ATP2B2: variants seen among roughly 807,000 people sequenced by gnomAD.
The protein encoded by ATP2B2 is ATPase plasma membrane Ca2+ transporting 2.
Under a neutral mutation model 120.0 loss-of-function variants are expected in ATP2B2, and 15 were observed. The observed-to-expected ratio is 0.12, with a 90% confidence interval of 0.08 to 0.19. The LOEUF (loss-of-function observed/expected upper bound fraction) is 0.19. Among genes scored for constraint, ATP2B2 ranks in the 10% least tolerant of loss-of-function variants. The probability of loss-of-function intolerance (pLI) is 1.00; values close to 1 mark genes in which losing one functional copy is unlikely to be tolerated. For missense variants in ATP2B2, 1,045 were observed against 1,719.8 expected, an observed-to-expected ratio of 0.61 and a Z score of 6.94; for synonymous variants, 694 against 700.3, an observed-to-expected ratio of 0.99 and a Z score of 0.14.
intron 2 of ATP2B2, among the ~76,000 whole-genome samples, chr3:10,415,413 A>G (rs1220696557): frequency 6.6e-6 from 1 of 152,186 alleles, no homozygotes; most frequent in Admixed American, 6.5e-5. Context: ...GGAGAGGCAC[A>G]GTGGAAGGGC....
chr3:10,652,433 T>C (rs1004285016), intron 1 of ATP2B2, among the ~76,000 whole-genome samples: 16 of 152,232 alleles, frequency 1.1e-4, no homozygotes, highest in East Asian at 7.7e-4. Flanking sequence ...ACTTTAGCTA[T>C]GGCTTAGTCA....
Position 10,375,849 on chromosome 3 carries a change from G to A in ATP2B2, c.1202-205C>T, listed in dbSNP as rs2061366388. Among the ~76,000 whole-genome samples the A allele has an allele frequency of 1.3e-5, 2 of 152,144 alleles. No homozygotes were observed. The highest frequency in any genetic ancestry group is 2.9e-5 in the Non-Finnish European group (2 of 68,030). On this transcript the variant is annotated intron_variant, in intron 10 of 22. Transcript: ENST00000360273. This position sits in a 1 kb window ranked among gnomAD's most constrained non-coding sequence, Gnocchi z 4.2. The stretch of plus-strand genomic sequence containing the variant: ...TCAGTCTCCTGCTCTGTACAATGGG[G>A]ATGCATACTTCCTCCCCAAGATTTT...
At chr3:10,639,468 G>T (rs1324794010) in intron 1 of ATP2B2, among the ~76,000 whole-genome samples, 1 of 152,194 alleles carries the variant, frequency 6.6e-6, no homozygotes, top group Admixed American at 6.5e-5. Flanking sequence ...AATGGTGGGA[G>T]AGACTGGCTG....
At chr3:10,386,268 G>C (rs1331543224) in intron 7 of ATP2B2, among the ~76,000 whole-genome samples, 2 of 152,126 alleles carry the variant, frequency 1.3e-5, no homozygotes, top group Non-Finnish European at 2.9e-5. Context: ...GTAGGGTGAG[G>C]CACTGTAAGG....
At chr3:10,578,140 G>A (rs950861409) in intron 2 of ATP2B2, among the ~76,000 whole-genome samples, 6 of 152,104 alleles carry the variant, frequency 3.9e-5, no homozygotes, top group South Asian at 2.1e-4. Context: ...CCATAGTGGC[G>A]AAACCTATAA....
chr3:10,640,589 G>C (rs887316769), intron 1 of ATP2B2, among the ~76,000 whole-genome samples: 44 of 152,308 alleles, frequency 2.9e-4, no homozygotes, highest in African/African-American at 9.9e-4. Flanking sequence ...CCAGAAGGCA[G>C]GAGAAGGCAG....
intron 6 of ATP2B2, among the ~76,000 whole-genome samples, chr3:10,387,683 T>C (rs886072362): frequency 6.6e-6 from 1 of 152,174 alleles, no homozygotes; most frequent in Admixed American, 6.5e-5. Flanking sequence ...GCTCGCTGCA[T>C]TGAGGAGAGC....
intron 1 of ATP2B2, among the ~76,000 whole-genome samples, chr3:10,684,633 G>T (rs979083521): frequency 2.0e-5 from 3 of 152,172 alleles, no homozygotes; most frequent in African/African-American, 4.8e-5. Context: ...ATTTATCATC[G>T]TTAGAGTATC....
At chr3:10,451,412 G>A (rs2064044542) in intron 1 of ATP2B2, among the ~76,000 whole-genome samples, 1 of 152,166 alleles carries the variant, frequency 6.6e-6, no homozygotes, top group Non-Finnish European at 1.5e-5. Flanking sequence ...CTGCAAATTG[G>A]GGGCAAAACA....
intron 1 of ATP2B2, among the ~76,000 whole-genome samples, chr3:10,696,078 C>T (rs1474418265): frequency 1.3e-5 from 2 of 152,124 alleles, no homozygotes; most frequent in Non-Finnish European, 2.9e-5. Flanking sequence ...GGGTGAGAAA[C>T]CCAAAGTGGT....
At chr3:10,434,190 C>A (rs2063408447) in intron 2 of ATP2B2, among the ~76,000 whole-genome samples, 1 of 152,238 alleles carries the variant, frequency 6.6e-6, no homozygotes, top group African/African-American at 2.4e-5. Flanking sequence ...ACATGATCAT[C>A]ATTTATTTTC....
rs749876516 is a variant in ATP2B2, at chr3:10,497,034, G to A, written c.-320+8431C>T. 5.4e-4 allele frequency among the ~76,000 whole-genome samples: 82 copies of A among 152,248 alleles called. 1 individual carries two copies. Among genetic ancestry groups the A allele is most frequent in the Admixed American group, 3.5e-3 (53 of 15,288 alleles). ...GAGAGTGCTGGCTGGTGGGCTTGCAGGATGGTTGGCAGGCTCTGCTGACCT... is the reference window on the plus strand; with the variant it reads ...GAGAGTGCTGGCTGGTGGGCTTGCAAGATGGTTGGCAGGCTCTGCTGACCT... On this transcript the variant is annotated intron_variant, in intron 1 of 22. Coordinates refer to ENST00000360273, the MANE Select transcript of ATP2B2 (RefSeq NM_001001331.4).
intron 1 of ATP2B2, among the ~76,000 whole-genome samples, chr3:10,504,563 C>CA (rs942606386): frequency 2.8e-5 from 2 of 70,910 alleles, no homozygotes; most frequent in Non-Finnish European, 7.4e-5. Context: ...GTCCAGAGCA[C>CA]CCCCCCAACC....
intron 1 of ATP2B2, among the ~76,000 whole-genome samples, chr3:10,472,430 G>A (rs1376581955): frequency 1.3e-5 from 2 of 152,228 alleles, no homozygotes; most frequent in Non-Finnish European, 2.9e-5. Flanking sequence ...ACGCTGCGGG[G>A]CAGGGCAAGG....
At chr3:10,689,571 G>T (rs901382757) in intron 1 of ATP2B2, among the ~76,000 whole-genome samples, 1 of 151,954 alleles carries the variant, frequency 6.6e-6, no homozygotes, top group Non-Finnish European at 1.5e-5. Flanking sequence ...CATTATAGAA[G>T]AAAGGCCATT....
At chr3:10,683,515 G>A (rs1256242750) in intron 1 of ATP2B2, among the ~76,000 whole-genome samples, 1 of 151,646 alleles carries the variant, frequency 6.6e-6, no homozygotes, top group Non-Finnish European at 1.5e-5. Context: ...AAGATCCTCT[G>A]CCAGACAAAG....
chr3:10,471,598 G>C (rs1237112228), intron 1 of ATP2B2, among the ~76,000 whole-genome samples: 2 of 151,932 alleles, frequency 1.3e-5, no homozygotes, highest in East Asian at 2.0e-4. Flanking sequence ...GGCGGAAGAG[G>C]GAGAGGGGAG....
intron 2 of ATP2B2, among the ~76,000 whole-genome samples, chr3:10,561,530 C>T (rs978204691): frequency 1.2e-4 from 18 of 152,128 alleles, no homozygotes; most frequent in African/African-American, 4.3e-4. Context: ...AAGTGATTTG[C>T]CCAAGGTCAC....
intron 5 of ATP2B2, among the ~76,000 whole-genome samples, chr3:10,396,622 T>C (rs976557039): frequency 8.5e-5 from 13 of 152,200 alleles, no homozygotes; most frequent in Admixed American, 2.6e-4. Context: ...ATGGCTGTTA[T>C]GCAGGGAGTT....
Sources: allele counts gnomAD v4.1 joint callset (sites outside exome capture counted in the v4.1 genomes callset), GRCh38; gene constraint gnomAD v4.1.1; non-coding constraint Gnocchi (gnomAD v3.1); transcripts MANE v1.5; gene names NCBI Gene and HGNC (gene_info 2026-07-23, HGNC 2026-07-21).